DSTN: variants seen among roughly 807,000 people sequenced by gnomAD.
DSTN encodes the protein destrin.
Under a neutral mutation model 16.8 loss-of-function variants are expected in DSTN, and 10 were observed. The ratio of observed to expected loss-of-function variants is 0.60; its 90% CI spans 0.37 to 1.01. The LOEUF (loss-of-function observed/expected upper bound fraction) is 1.01. Ranked by LOEUF, DSTN falls within the 50% of genes least tolerant of loss-of-function variation. The pLI is 0.01. For synonymous variants in DSTN, 57 were observed against 58.9 expected (o/e 0.97, Z 0.14); for missense variants, 141 against 196.7 (o/e 0.72, Z 1.69).
rs1211168721 is a variant in DSTN at position 17,608,716 on chromosome 20, AATAT to A, written c.*1571_*1574del. 5 of 151,544 alleles carry A rather than the reference AATAT, an allele frequency of 3.3e-5. No individual in the cohort carries two copies. The highest frequency in any genetic ancestry group is 1.2e-4 in the African/African-American group (5 of 40,828). 9.4% of individuals were successfully genotyped at this position (151,544 alleles called of 1,614,324 possible). A position where few individuals can be genotyped will look rare whatever the true frequency, so the allele number is the denominator to read the frequency against. On this transcript the variant is annotated 3_prime_UTR_variant, in exon 4 of 4. Transcript: ENST00000246069. ...TGTTTATTACACTATAAGTGTAATA[AATAT>A]TATACAAAATTATAAATTCACATTT...
At chr20:17,597,513 A>G (rs2035539075) in intron 1 of DSTN, among the ~76,000 whole-genome samples, 1 of 152,204 alleles carries the variant, frequency 6.6e-6, no homozygotes, top group Admixed American at 6.5e-5. Flanking sequence ...ATTTTGCTAC[A>G]TGCATGGATG....
chr20:17,598,071 A>G (rs1451912160), intron 1 of DSTN, among the ~76,000 whole-genome samples: 9 of 152,158 alleles, frequency 5.9e-5, no homozygotes, highest in Admixed American at 5.9e-4. Flanking sequence ...GATATACTAC[A>G]TCTTAAAAAT....
chr20:17,570,830 G>GGCTTCCAGCAGCACTCTC (rs2035195641), intron 1 of DSTN, among the ~76,000 whole-genome samples: 1 of 152,120 alleles, frequency 6.6e-6, no homozygotes, highest in Non-Finnish European at 1.5e-5. Context: ...TCTGGCAATC[G>GGCTTCCAGCAGCACTCTC]GCTTCCAGCA....
At chr20:17,571,096 C>T (rs1344536751) in intron 1 of DSTN, among the ~76,000 whole-genome samples, 2 of 152,216 alleles carry the variant, frequency 1.3e-5, no homozygotes, top group Non-Finnish European at 2.9e-5. Flanking sequence ...GGACATTTTG[C>T]TTAATTTACA....
At chr20:17,597,396 T>C (rs1425733643) in intron 1 of DSTN, among the ~76,000 whole-genome samples, 1 of 152,158 alleles carries the variant, frequency 6.6e-6, no homozygotes, top group Non-Finnish European at 1.5e-5. Flanking sequence ...TAATATTAAG[T>C]AAATGCTAGG....
chr20:17,596,753 A>C (rs1396671760), intron 1 of DSTN: 1 of 985,090 alleles, frequency 1.0e-6, no homozygotes, highest in African/African-American at 1.8e-5. Context: ...ATAGAAAAAA[A>C]GACAAAATTC....
At chr20:17,570,235 G>A in intron 1 of DSTN, 24 bp downstream of exon 1, 1 of 1,497,950 alleles carries the variant, frequency 6.7e-7, no homozygotes, top group Non-Finnish European at 8.9e-7. Flanking sequence ...AGGCCGAGGC[G>A]TGGGCCGAGG....
At chr20:17,582,173 G>A (rs1210295262) in intron 1 of DSTN, among the ~76,000 whole-genome samples, 2 of 150,414 alleles carry the variant, frequency 1.3e-5, no homozygotes, top group Non-Finnish European at 2.9e-5. Context: ...CCGCCTCCTA[G>A]GTTCAAGCGA....
chr20:17,596,896 C>A, intron 1 of DSTN: 1 of 822,726 alleles, frequency 1.2e-6, no homozygotes, highest in Non-Finnish European at 1.5e-6. Flanking sequence ...ATTTACAAAT[C>A]AGAATTTAGA....
intron 1 of DSTN, among the ~76,000 whole-genome samples, chr20:17,583,265 T>A (rs2035366787): frequency 6.6e-6 from 1 of 152,176 alleles, no homozygotes; most frequent in African/African-American, 2.4e-5. Flanking sequence ...CGCAGTAATT[T>A]TGGAAAATAG....
At chr20:17,574,255 T>G (rs1398893948) in intron 1 of DSTN, among the ~76,000 whole-genome samples, 2 of 152,108 alleles carry the variant, frequency 1.3e-5, no homozygotes, top group African/African-American at 4.8e-5. Context: ...AGGAGTAATA[T>G]TTCTCTTTTC....
rs180991471 is a variant in DSTN at position 17,584,472 on chromosome 20, A to G, written c.3+14261A>G. Among the ~76,000 whole-genome samples, 617 of 152,178 alleles carry G rather than the reference A, an allele frequency of 4.1e-3. 7 individuals are homozygous for G. Among genetic ancestry groups the G allele is most frequent in the African/African-American group, 0.014 (596 of 41,516 alleles). ...CGAGACCAGCCTGACCAACATGGAG[A>G]AACCCCATCTCTACTAAAAATACAA... On this transcript the variant is annotated intron_variant, in intron 1 of 3. Transcript: ENST00000246069.
chr20:17,577,243 A>G (rs1305487304), intron 1 of DSTN, among the ~76,000 whole-genome samples: 1 of 152,208 alleles, frequency 6.6e-6, no homozygotes, highest in Non-Finnish European at 1.5e-5. Flanking sequence ...GTAGTAATAG[A>G]ACTAACACTA....
chr20:17,573,367 G>A (rs116014071), intron 1 of DSTN, among the ~76,000 whole-genome samples: 2,680 of 151,746 alleles, frequency 0.018, 102 homozygotes, highest in African/African-American at 0.062. Flanking sequence ...TTGTAGCTTT[G>A]GTTCTTCAAC....
In DSTN at chr20:17,570,201, C is replaced by A. The variant is rs1329718247; in HGVS notation, c.-8C>A. Reference sequence around the variant, plus strand: ...CTCCCCCGCGTCCCTGCGACCGCCGCGGCGAAGATGGTGAGTAGGAGGGAG... The same window carrying A: ...CTCCCCCGCGTCCCTGCGACCGCCGAGGCGAAGATGGTGAGTAGGAGGGAG... On this transcript the variant is annotated 5_prime_UTR_variant, in exon 1 of 4. Transcript: ENST00000246069. 1.3e-6 allele frequency: 2 copies of A among 1,519,218 alleles called. No individual in the cohort carries two copies. Among genetic ancestry groups the A allele is most frequent in the African/African-American group, 1.4e-5 (1 of 69,950 alleles). The allele number at this position is 1,519,218 out of a possible 1,614,324, so 94.1% of individuals were successfully genotyped here.
Position 17,600,908 on chromosome 20 carries a change from A to G in DSTN, c.174A>G (p.Gly58=). 6.2e-7 allele frequency: 1 copy of G among 1,613,924 alleles called. No homozygotes were observed. The highest frequency in any genetic ancestry group is 8.5e-7 in the Non-Finnish European group (1 of 1,179,898). ...IVEEGKEILV[G]DVGVTITDPF... is the part of the protein sequence containing the mutation. ...AAGAAGGCAAAGAGATCTTGGTTGG[A>G]GATGTTGGTGTAACCATAACTGATC... Residue 58 remains glycine (G), a synonymous_variant, in exon 2 of 4, where the codon GGA becomes GGG. Coordinates refer to ENST00000246069, the MANE Select transcript of DSTN (RefSeq NM_006870.4).
intron 2 of DSTN, among the ~76,000 whole-genome samples, chr20:17,602,025 A>G (rs2035592891): frequency 6.6e-6 from 1 of 151,120 alleles, no homozygotes; most frequent in South Asian, 2.1e-4. Context: ...GCTTTTAGCT[A>G]TGTGCCATCA....
chr20:17,573,474 T>A (rs1055668086), intron 1 of DSTN, among the ~76,000 whole-genome samples: 17 of 152,308 alleles, frequency 1.1e-4, no homozygotes, highest in Non-Finnish European at 2.4e-4. Context: ...TTTTTTGGTC[T>A]ATTTAAAGTT....
At chr20:17,578,616 C>T (rs143126981) in intron 1 of DSTN, among the ~76,000 whole-genome samples, 119 of 152,282 alleles carry the variant, frequency 7.8e-4, no homozygotes, top group African/African-American at 2.8e-3. Flanking sequence ...ATTTCATGCT[C>T]ATTGAGGCAT....
Sources: gnomAD v4.1 joint callset for allele counts (sites outside exome capture counted in the v4.1 genomes callset) on GRCh38, gnomAD v4.1.1 for gene constraint, MANE v1.5 for transcripts, NCBI Gene and HGNC (gene_info 2026-07-23, HGNC 2026-07-21) for gene names.